The following UBE2V2 variants were observed in gnomAD, a reference collection of about 807,000 sequenced individuals.
The protein encoded by UBE2V2 is ubiquitin conjugating enzyme E2 V2.
In UBE2V2, 9 loss-of-function variants were observed where a neutral mutation model predicts 17.2. That is an observed-to-expected ratio of 0.52 (90% CI 0.32 to 0.91). The LOEUF (loss-of-function observed/expected upper bound fraction) is 0.91. Ranked by LOEUF, UBE2V2 falls within the 40% of genes least tolerant of loss-of-function variation. The pLI is 0.04. For synonymous variants in UBE2V2, 61 were observed against 57.5 expected, an observed-to-expected ratio of 1.06 and a Z score of -0.28; for missense variants, 133 against 182.6, an observed-to-expected ratio of 0.73 and a Z score of 1.56.
At chr8:48,046,454 T>C (rs1195894682) in intron 2 of UBE2V2, among the ~76,000 whole-genome samples, 1 of 152,088 alleles carries the variant, frequency 6.6e-6, no homozygotes, top group Non-Finnish European at 1.5e-5. Flanking sequence ...GGTTTCTCCA[T>C]GTTGCTCAGG....
chr8:48,040,202 A>G (rs1254336169), intron 1 of UBE2V2, among the ~76,000 whole-genome samples: 1 of 151,804 alleles, frequency 6.6e-6, no homozygotes, highest in Admixed American at 6.6e-5. Flanking sequence ...CTCCCTTCAC[A>G]TTCGATTTTG....
chr8:48,031,316 G>A (rs372935546), intron 1 of UBE2V2, among the ~76,000 whole-genome samples: 13 of 152,126 alleles, frequency 8.5e-5, no homozygotes, highest in East Asian at 7.7e-4. Flanking sequence ...TTGCTTTTCT[G>A]AAGTAAAACT....
intron 2 of UBE2V2, among the ~76,000 whole-genome samples, chr8:48,044,932 C>T (rs1040057012): frequency 4.6e-5 from 7 of 152,242 alleles, no homozygotes; most frequent in Non-Finnish European, 7.3e-5. Context: ...TGACCCACAG[C>T]ACAGTTCCTA....
At chr8:48,041,125 A>T in intron 1 of UBE2V2, among the ~76,000 whole-genome samples, 1 of 149,316 alleles carries the variant, frequency 6.7e-6, no homozygotes. Context: ...CGGCCTCCCA[A>T]AGTGCTGGGA....
rs181855104 is a variant in UBE2V2 at position 48,009,620 on chromosome 8, A to C, written c.16+1150A>C. ...ACAAGAGTATAGAGCAGTGTGATTT[A>C]ATAGTTTATGCCATCATTGCATAAT... On this transcript the variant is annotated intron_variant, in intron 1 of 3. Coordinates refer to ENST00000523111, the MANE Select transcript of UBE2V2 (RefSeq NM_003350.3). Among the ~76,000 whole-genome samples, 12 of 152,286 alleles carry C rather than the reference A, an allele frequency of 7.9e-5. No individual in the cohort carries two copies. In the East Asian group the frequency reaches 2.1e-3, roughly 27 times the overall value.
Position 48,028,446 on chromosome 8 carries a change from C to T in UBE2V2, c.17-14587C>T, listed in dbSNP as rs1226874629. On this transcript the variant is annotated intron_variant, in intron 1 of 3. Coordinates refer to ENST00000523111, the MANE Select transcript of UBE2V2 (RefSeq NM_003350.3). ...CTCTGCCTCCTGAGTTCAAGCAATT[C>T]TCCTGCCTCAGCCTCTCAAGTAGCT... 9.3e-5 allele frequency among the ~76,000 whole-genome samples: 14 copies of T among 151,194 alleles called. No individual in the cohort carries two copies. In the Admixed American group the frequency reaches 9.3e-4, roughly 10 times the overall value.
Position 48,063,991 on chromosome 8 carries a change from T to G in UBE2V2, c.*3163T>G, listed in dbSNP as rs1802629858. ...TGCTTTTTTCTTAATAGGTTTGGTG[T>G]GTGTGGCTTTGAATGGTTCTGCTGA... On this transcript the variant is annotated 3_prime_UTR_variant, in exon 4 of 4. Coordinates refer to ENST00000523111, the MANE Select transcript of UBE2V2 (RefSeq NM_003350.3). 1 of 152,198 alleles carries G rather than the reference T, an allele frequency of 6.6e-6. No homozygotes were observed. Among genetic ancestry groups the G allele is most frequent in the South Asian group, 2.1e-4 (1 of 4,836 alleles). The allele number at this position is 152,198 out of a possible 1,614,324, so 9.4% of individuals were successfully genotyped here.
chr8:48,043,925 A>AT (rs747460747), intron 2 of UBE2V2, among the ~76,000 whole-genome samples: 5,588 of 134,518 alleles, frequency 0.042, 345 homozygotes, highest in African/African-American at 0.14. Context: ...CTAGCTTGGG[A>AT]TTTTTTTTTT....
At chr8:48,009,225 T>A (rs1479395249) in intron 1 of UBE2V2, among the ~76,000 whole-genome samples, 3 of 152,058 alleles carry the variant, frequency 2.0e-5, no homozygotes, top group African/African-American at 7.2e-5. Flanking sequence ...AGTTTACATT[T>A]AAAAATGTTA....
intron 1 of UBE2V2, 183 bp downstream of exon 1, chr8:48,008,653 C>T: frequency 1.2e-6 from 1 of 803,754 alleles, no homozygotes; most frequent in Non-Finnish European, 1.6e-6. Context: ...CGGCGGCCGT[C>T]GGGTTGGCGG....
intron 1 of UBE2V2, among the ~76,000 whole-genome samples, chr8:48,018,178 G>A (rs2091283005): frequency 2.6e-5 from 4 of 152,028 alleles, no homozygotes; most frequent in Non-Finnish European, 5.9e-5. Context: ...ACATAATACT[G>A]GAAGTCCTAG....
upstream of UBE2V2, among the ~76,000 whole-genome samples, chr8:48,007,595 T>A (rs575320271): frequency 2.0e-5 from 3 of 150,062 alleles, no homozygotes; most frequent in South Asian, 6.4e-4. Context: ...TTCAGTTTTA[T>A]GTAGAGACTA....
Position 48,061,908 on chromosome 8 carries a change from T to A in UBE2V2, c.*1080T>A, listed in dbSNP as rs1372659627. Reference sequence around the variant, plus strand: ...TTTAAAGCATAATATCTTTTTTAGTTGTTTTTCTGTGAAGCTTTTGGTTAA... The same window carrying A: ...TTTAAAGCATAATATCTTTTTTAGTAGTTTTTCTGTGAAGCTTTTGGTTAA... On this transcript the variant is annotated 3_prime_UTR_variant, in exon 4 of 4. Transcript: ENST00000523111. The A allele has an allele frequency of 1.3e-5, 2 of 152,222 alleles. No homozygotes were observed. The highest frequency in any genetic ancestry group is 2.9e-5 in the Non-Finnish European group (2 of 68,038). The allele number at this position is 152,222 out of a possible 1,614,324, so 9.4% of individuals were successfully genotyped here. A position where few individuals can be genotyped will look rare whatever the true frequency, so the allele number is the denominator to read the frequency against.
intron 1 of UBE2V2, among the ~76,000 whole-genome samples, chr8:48,014,629 A>G (rs2091255732): frequency 6.9e-6 from 1 of 145,628 alleles, no homozygotes; most frequent in Non-Finnish European, 1.5e-5. Context: ...TGGGCAACAG[A>G]GAGAGACTCT....
chr8:48,034,919 C>A, intron 1 of UBE2V2: 4 of 561,984 alleles, frequency 7.1e-6, no homozygotes, highest in South Asian at 7.8e-5. Flanking sequence ...TTGCCCGGGA[C>A]GCCTTGCTCC....
At chr8:48,011,074 C>G (rs1004289317) in intron 1 of UBE2V2, among the ~76,000 whole-genome samples, 1 of 151,846 alleles carries the variant, frequency 6.6e-6, no homozygotes, top group African/African-American at 2.4e-5. Flanking sequence ...CTTTTGTTTG[C>G]TTTTTGGTAA....
intron 3 of UBE2V2, among the ~76,000 whole-genome samples, chr8:48,057,566 G>A (rs1322983639): frequency 6.6e-6 from 1 of 152,040 alleles, no homozygotes; most frequent in Non-Finnish European, 1.5e-5. Flanking sequence ...CCCTCCCAAA[G>A]TGCTGGGATT....
chr8:48,046,830 G>A (rs1029951915), intron 2 of UBE2V2, among the ~76,000 whole-genome samples: 2 of 151,388 alleles, frequency 1.3e-5, no homozygotes, highest in Non-Finnish European at 2.9e-5. Flanking sequence ...CAAACTCCTG[G>A]GCTCAAATGG....
chr8:48,002,100 A>G, the UBE2V2 span, among the ~76,000 whole-genome samples: 1 of 152,078 alleles, frequency 6.6e-6, no homozygotes, highest in African/African-American at 2.4e-5. Flanking sequence ...AAAAAAAAAA[A>G]GGGCAACAGA....
Sources: gnomAD v4.1 joint callset for allele counts (sites outside exome capture counted in the v4.1 genomes callset) on GRCh38, gnomAD v4.1.1 for gene constraint, MANE v1.5 for transcripts, NCBI Gene and HGNC (gene_info 2026-07-23, HGNC 2026-07-21) for gene names.